The following ZBTB16 variants were observed in gnomAD, a reference collection of about 807,000 sequenced individuals.
The protein encoded by ZBTB16 is zinc finger and BTB domain containing 16, also known as zinc finger and BTB domain-containing protein 16.
ZBTB16 carries 8 observed loss-of-function variants against 56.8 expected under a neutral mutation model. The observed-to-expected ratio is 0.14, with a 90% CI of 0.08 to 0.25. ZBTB16 has a LOEUF of 0.25. Ranked by LOEUF, ZBTB16 falls within the 10% of genes least tolerant of loss-of-function variation. ZBTB16 has a pLI of 1.00. For missense variants in ZBTB16, 625 were observed against 903.0 expected (o/e 0.69, Z 3.95); for synonymous variants, 363 against 368.5 (o/e 0.98, Z 0.17).
At chr11:114,185,046 C>CA (rs1211532981) in intron 3 of ZBTB16, among the ~76,000 whole-genome samples, 3 of 151,582 alleles carry the variant, frequency 2.0e-5, no homozygotes, top group East Asian at 1.9e-4. Context: ...ATAAAATAAA[C>CA]AAAAAAACAG....
intron 5 of ZBTB16, among the ~76,000 whole-genome samples, chr11:114,246,254 G>A (rs1031873668): frequency 1.3e-5 from 2 of 152,164 alleles, no homozygotes; most frequent in African/African-American, 4.8e-5. Context: ...GGTATGGTGG[G>A]CAAGCCAGTA....
intron 3 of ZBTB16, among the ~76,000 whole-genome samples, chr11:114,172,888 A>T (rs1591748483): frequency 6.6e-6 from 1 of 151,950 alleles, no homozygotes; most frequent in African/African-American, 2.4e-5. Context: ...TCCGGCAGGG[A>T]GGTGGTTCGT....
chr11:114,131,781 A>G (rs903920126), intron 2 of ZBTB16, among the ~76,000 whole-genome samples: 1 of 152,206 alleles, frequency 6.6e-6, no homozygotes, highest in African/African-American at 2.4e-5. Flanking sequence ...TCTGACGATG[A>G]CAGACTTAGA....
chr11:114,162,939 G>A (rs1036617076), intron 3 of ZBTB16, among the ~76,000 whole-genome samples: 3 of 152,072 alleles, frequency 2.0e-5, no homozygotes, highest in African/African-American at 7.2e-5. Context: ...GAGTGGTGTC[G>A]TCACTGGCCT....
intron 4 of ZBTB16, among the ~76,000 whole-genome samples, chr11:114,234,873 G>A (rs375328): frequency 0.097 from 14,709 of 152,238 alleles, 801 homozygotes; most frequent in Middle Eastern, 0.19. Flanking sequence ...TTTTTCAGCA[G>A]CAACCTGGGG....
intron 4 of ZBTB16, among the ~76,000 whole-genome samples, chr11:114,211,853 C>T (rs953158873): frequency 6.6e-6 from 1 of 152,130 alleles, no homozygotes; most frequent in Non-Finnish European, 1.5e-5. Flanking sequence ...TCTGGCCAGG[C>T]CTGGTTCGGG....
At position 114,239,037 on chromosome 11, in the gene ZBTB16, T is replaced by C. The variant is rs377589672; in HGVS notation, c.1454-3130T>C. ...CACCTAGCACAGTGCCTGTACTTGG[T>C]AGTGGCTCAGTGAGTTGGCTGAATG... On this transcript the variant is annotated intron_variant, in intron 4 of 6. Coordinates refer to ENST00000335953, the MANE Select transcript of ZBTB16 (RefSeq NM_006006.6). 1.2e-3 allele frequency among the ~76,000 whole-genome samples: 188 copies of C among 152,218 alleles called. 1 individual carries two copies. Among genetic ancestry groups the C allele is most frequent in the African/African-American group, 4.3e-3 (180 of 41,536 alleles).
At chr11:114,077,158 A>T (rs77293080) in intron 2 of ZBTB16, among the ~76,000 whole-genome samples, 6 of 152,134 alleles carry the variant, frequency 3.9e-5, no homozygotes, top group African/African-American at 1.2e-4. Context: ...AAATTAGCCT[A>T]TTCCATTCAG....
intron 3 of ZBTB16, among the ~76,000 whole-genome samples, chr11:114,175,255 C>T (rs1943078491): frequency 6.6e-6 from 1 of 152,180 alleles, no homozygotes; most frequent in African/African-American, 2.4e-5. Flanking sequence ...CCTTCCCTTC[C>T]AAGGAACCTA....
chr11:114,165,639 A>G (rs1352157646), intron 3 of ZBTB16, among the ~76,000 whole-genome samples: 3 of 152,192 alleles, frequency 2.0e-5, no homozygotes, highest in East Asian at 3.9e-4. Context: ...GAAAAGGATT[A>G]TAAATACCAG....
intron 2 of ZBTB16, among the ~76,000 whole-genome samples, chr11:114,100,605 G>A (rs1172504040): frequency 6.6e-6 from 1 of 152,114 alleles, no homozygotes; most frequent in East Asian, 1.9e-4. Context: ...CTCCCTCTCG[G>A]GAGACTATGG....
chr11:114,209,876 A>G (rs1943960336), intron 4 of ZBTB16: 1 of 985,350 alleles, frequency 1.0e-6, no homozygotes, highest in Non-Finnish European at 1.2e-6. Context: ...AGGGGACCCC[A>G]TATTTCTTCA....
intron 2 of ZBTB16, among the ~76,000 whole-genome samples, chr11:114,095,114 G>C (rs1940332011): frequency 6.6e-6 from 1 of 152,208 alleles, no homozygotes; most frequent in Non-Finnish European, 1.5e-5. Context: ...ATAGCACAAA[G>C]ATGTAGGAGT....
chr11:114,157,011 G>A (rs913130217), intron 3 of ZBTB16, among the ~76,000 whole-genome samples: 8 of 152,192 alleles, frequency 5.3e-5, no homozygotes, highest in Non-Finnish European at 1.0e-4. Context: ...GAAGGATCTA[G>A]CAGGTCTGAT....
At chr11:114,239,415 G>C (rs1038058302) in intron 4 of ZBTB16, among the ~76,000 whole-genome samples, 4 of 152,134 alleles carry the variant, frequency 2.6e-5, no homozygotes, top group Admixed American at 2.0e-4. Context: ...TGGGGGTTAA[G>C]GGCAGAGAGG....
In ZBTB16 at chr11:114,134,044, A is replaced by G. The variant is rs978117144; in HGVS notation, c.1269-22293A>G. On this transcript the variant is annotated intron_variant, in intron 2 of 6. Transcript: ENST00000335953. ...AAGTGTGGCTCCTGAGATGCACGGG[A>G]GCACAGCTGGTTGTGTCTCAACACT... 7.9e-5 allele frequency among the ~76,000 whole-genome samples: 12 copies of G among 152,302 alleles called. No individual in the cohort carries two copies. The South Asian group carries it at 2.5e-3, about 32-fold the overall frequency.
intron 3 of ZBTB16, among the ~76,000 whole-genome samples, chr11:114,166,201 C>CGT (rs3057730): frequency 0.042 from 5,576 of 134,040 alleles, 148 homozygotes; most frequent in South Asian, 0.1. Flanking sequence ...GACTGGTCTA[C>CGT]GTGTGTGTGT....
Position 114,198,580 on chromosome 11 carries a change from A to G in ZBTB16, c.1453+11542A>G, listed in dbSNP as rs115225407. On this transcript the variant is annotated intron_variant, in intron 4 of 6. Transcript: ENST00000335953. ...CCCCGATACTCTTTTTTAAATTAAT[A>G]AATTTCATTTTTTTAAGAGCAGCTT... 1.6e-3 allele frequency among the ~76,000 whole-genome samples: 245 copies of G among 152,196 alleles called. 2 individuals are homozygous for G. The highest frequency in any genetic ancestry group is 5.5e-3 in the African/African-American group (227 of 41,542).
intron 4 of ZBTB16, among the ~76,000 whole-genome samples, chr11:114,234,476 G>C (rs555245896): frequency 6.6e-6 from 1 of 152,262 alleles, no homozygotes; most frequent in South Asian, 2.1e-4. Context: ...TCCAGGGTTC[G>C]GTGGGCTGAT....
Sources: allele counts gnomAD v4.1 joint callset (sites outside exome capture counted in the v4.1 genomes callset), GRCh38; gene constraint gnomAD v4.1.1; transcripts MANE v1.5; gene names NCBI Gene and HGNC (gene_info 2026-07-23, HGNC 2026-07-21).